Variants in C1orf167 observed in about 807,000 individuals in gnomAD.
C1orf167 encodes the protein chromosome 1 open reading frame 167.
C1orf167 carries 153 observed loss-of-function variants against 176.5 expected under a neutral mutation model. The observed-to-expected ratio is 0.87, with a 90% CI of 0.76 to 0.99. C1orf167 has a LOEUF of 0.99. Ranked by LOEUF, C1orf167 falls within the 50% of genes least tolerant of loss-of-function variation. C1orf167 has a pLI of 0.00. For synonymous variants in C1orf167, 594 were observed against 752.7 expected, an observed-to-expected ratio of 0.79 and a Z score of 3.45; for missense variants, 1,490 against 1,817.7, an observed-to-expected ratio of 0.82 and a Z score of 3.28.
Position 11,779,754 on chromosome 1 carries a change from G to T in C1orf167, c.2652-48G>T, listed in dbSNP as rs994055048. 3 of 1,255,666 alleles carry T rather than the reference G, an allele frequency of 2.4e-6. No homozygotes were observed. In the South Asian group the frequency reaches 3.8e-5, roughly 16 times the overall value. 77.8% of individuals were successfully genotyped at this position (1,255,666 alleles called of 1,614,324 possible). ...GGAGGGTGGGGCAGGGCTGGCCTGG[G>T]ATTTGGGGGACAGTGGCCATCCTCA... On this transcript the variant is annotated intron_variant, in intron 12 of 20. Coordinates refer to ENST00000688073, the MANE Select transcript of C1orf167 (RefSeq NM_001010881.2).
intron 6 of C1orf167, among the ~76,000 whole-genome samples, chr1:11,771,067 ATATTTTTTTTTTT>A (rs1557726922): frequency 1.6e-5 from 1 of 64,312 alleles, no homozygotes; most frequent in African/African-American, 6.7e-5. Flanking sequence ...ATATATATAT[ATATTTTTTTTTTT>A]TTTTTTTTTT....
Position 11,788,658 on chromosome 1 carries a change from G to A in C1orf167, c.4085G>A (p.Gly1362Glu). ...CTGCCAACTGTCCCCAAAGCTCAGGGAGTGGCACCTGAGATGGGCCTGGCA... is the reference window on the plus strand; with the variant it reads ...CTGCCAACTGTCCCCAAAGCTCAGGAAGTGGCACCTGAGATGGGCCTGGCA... ...GRAAGADPAQGVAPEMGLADV... is the reference protein window; with the variant it reads ...GRAAGADPAQEVAPEMGLADV... Residue 1362 changes from glycine to glutamate, a missense_variant, in exon 20 of 21, where the codon GGA becomes GAA. By Grantham distance (98) the Gly-to-Glu change is moderately conservative. Coordinates refer to ENST00000688073, the MANE Select transcript of C1orf167 (RefSeq NM_001010881.2). The A allele has an allele frequency of 1.5e-6, 2 of 1,304,294 alleles. No homozygotes were observed. The highest frequency in any genetic ancestry group is 1.2e-5 in the South Asian group (1 of 81,032). The allele number at this position is 1,304,294 out of a possible 1,614,324, so 80.8% of individuals were successfully genotyped here. A position where few individuals can be genotyped will look rare whatever the true frequency, so the allele number is the denominator to read the frequency against.
In C1orf167 at chr1:11,767,026, G is replaced by A. The variant is rs1642832034; in HGVS notation, c.1240G>A (p.Glu414Lys). Residue 414 changes from glutamate to lysine, a missense_variant, in exon 3 of 21, where the codon GAG becomes AAG. Coordinates refer to ENST00000688073, the MANE Select transcript of C1orf167 (RefSeq NM_001010881.2). ...EGAPRERVHREEERTAFHLSD... is the reference protein window; with the variant it reads ...EGAPRERVHRKEERTAFHLSD... ...GGCCCCGAGGGAGCGGGTCCACAGG[G>A]AGGAGGAGAGGACAGCTTTCCATCT... 6 of 1,219,756 alleles carry A rather than the reference G, an allele frequency of 4.9e-6. No individual in the cohort carries two copies. The South Asian group carries it at 7.3e-5, about 15-fold the overall frequency. 75.6% of individuals were successfully genotyped at this position (1,219,756 alleles called of 1,614,324 possible). A position where few individuals can be genotyped will look rare whatever the true frequency, so the allele number is the denominator to read the frequency against.
In C1orf167 at chr1:11,781,938, T is replaced by G. The variant is rs114936308; in HGVS notation, c.2861-251T>G. 4.5e-3 allele frequency among the ~76,000 whole-genome samples: 691 copies of G among 152,136 alleles called. 9 individuals carry two copies. The highest frequency in any genetic ancestry group is 0.016 in the African/African-American group (666 of 41,512). On this transcript the variant is annotated intron_variant, in intron 13 of 20. Transcript: ENST00000688073. ...AAAAAAAAAAAATAGAAAATTAGATTTTTACCTGAATTCTCCAGATTTGAA... is the reference window on the plus strand; with the variant it reads ...AAAAAAAAAAAATAGAAAATTAGATGTTTACCTGAATTCTCCAGATTTGAA...
chr1:11,770,972 TTGTGTGTG>T (rs753081071), intron 6 of C1orf167, among the ~76,000 whole-genome samples: 12,367 of 78,134 alleles, frequency 0.16, 849 homozygotes, highest in East Asian at 0.25. Flanking sequence ...ACTGGCTAAT[TTGTGTGTG>T]TGTGTGTGTG....
At chr1:11,783,473 C>G (rs946964387) in intron 14 of C1orf167, among the ~76,000 whole-genome samples, 1 of 151,942 alleles carries the variant, frequency 6.6e-6, no homozygotes, top group Non-Finnish European at 1.5e-5. Context: ...TCTCGAACTC[C>G]CGACCTCAGG....
At chr1:11,776,422 T>C in intron 9 of C1orf167, 42 bp from the exon 10 acceptor site, 1 of 1,280,786 alleles carries the variant, frequency 7.8e-7, no homozygotes, top group Non-Finnish European at 1.0e-6. Flanking sequence ...CAGAGTGAGG[T>C]CAGTGGGGAG....
chr1:11,763,784 C>T (rs1348581759), intron 1 of C1orf167, among the ~76,000 whole-genome samples: 2 of 152,132 alleles, frequency 1.3e-5, no homozygotes, highest in African/African-American at 4.8e-5. Context: ...TGGGAGGTGG[C>T]AGGTGAGGGC....
rs772832300 is a variant in C1orf167, at chr1:11,766,777, T to C, written c.991T>C (p.Leu331=). Residue 331 remains leucine (L), a synonymous_variant, in exon 3 of 21, where the codon TTG becomes CTG. Transcript: ENST00000688073. This position sits in a 1 kb window ranked among gnomAD's most constrained non-coding sequence, Gnocchi z 4.5. ...CAAGCTAATGTCACCTGAGACCACTTTGGGGACACGGACCAAGGATTCCCT... is the reference window on the plus strand; with the variant it reads ...CAAGCTAATGTCACCTGAGACCACTCTGGGGACACGGACCAAGGATTCCCT... ...QSKLMSPETT[L]GTRTKDSLNP... is the part of the protein sequence containing the mutation. 13 of 1,289,534 alleles carry C rather than the reference T, an allele frequency of 1.0e-5. No individual in the cohort carries two copies. Among genetic ancestry groups the C allele is most frequent in the South Asian group, 3.7e-5 (3 of 81,024 alleles). 79.9% of individuals were successfully genotyped at this position (1,289,534 alleles called of 1,614,324 possible). A position where few individuals can be genotyped will look rare whatever the true frequency, so the allele number is the denominator to read the frequency against.
At position 11,787,508 on chromosome 1, in the gene C1orf167, C is replaced by T. The variant is rs1439630169; in HGVS notation, c.3673+15C>T. 2 of 1,289,600 alleles carry T rather than the reference C, an allele frequency of 1.6e-6. No homozygotes were observed. The highest frequency in any genetic ancestry group is 2.5e-5 in the South Asian group (2 of 79,500). 79.9% of individuals were successfully genotyped at this position (1,289,600 alleles called of 1,614,324 possible). A position where few individuals can be genotyped will look rare whatever the true frequency, so the allele number is the denominator to read the frequency against. Reference sequence around the variant, plus strand: ...CTGGGCTCAGAGTAAGGAGACCTTGCCCCGGGGGACAAACGGTGTCTGAAG... The same window carrying T: ...CTGGGCTCAGAGTAAGGAGACCTTGTCCCGGGGGACAAACGGTGTCTGAAG... On this transcript the variant is annotated intron_variant, in intron 17 of 20. Transcript: ENST00000688073.
rs1186104281 is a variant in C1orf167, at chr1:11,768,253, T to A, written c.1520T>A (p.Leu507Gln). ...EAAWGQYTKV[L>Q]LVRSFREWRN... ...GCATGGGGGCAGTACACAAAGGTTC[T>A]GCTGGTCCGGAGCTTCCGAGAGGTC... Residue 507 changes from leucine to glutamine, a missense_variant, in exon 5 of 21, where the codon CTG becomes CAG. By Grantham distance (113) the Leu-to-Gln change is moderately radical. Transcript: ENST00000688073. This position sits in a 1 kb window ranked among gnomAD's most constrained non-coding sequence, Gnocchi z 4.5. The A allele has an allele frequency of 7.8e-7, 1 of 1,289,924 alleles. No individual in the cohort carries two copies. Among genetic ancestry groups the A allele is most frequent in the Non-Finnish European group, 1.0e-6 (1 of 988,816 alleles). The allele number at this position is 1,289,924 out of a possible 1,614,324, so 79.9% of individuals were successfully genotyped here.
At chr1:11,781,909 CAAA>C (rs140233984) in intron 13 of C1orf167, among the ~76,000 whole-genome samples, 3 of 124,602 alleles carry the variant, frequency 2.4e-5, no homozygotes, top group African/African-American at 3.1e-5. Context: ...GACTCCGTCT[CAAA>C]AAAAAAAAAA....
chr1:11,778,587 G>A (rs1643439275), intron 10 of C1orf167, 73 bp from the exon 11 acceptor site: 1 of 1,203,784 alleles, frequency 8.3e-7, no homozygotes, highest in South Asian at 1.4e-5. Context: ...CCAGGGTAGG[G>A]TAGCCCCTGC....
At chr1:11,779,177 G>T in intron 12 of C1orf167, 97 bp downstream of exon 12, 1 of 1,130,256 alleles carries the variant, frequency 8.8e-7, no homozygotes, top group Non-Finnish European at 1.1e-6. Context: ...GCAGCCCCTT[G>T]GGGTCTGCAC....
rs1420861758 is a variant in C1orf167 at position 11,788,238 on chromosome 1, A to T, written c.3938A>T (p.His1313Leu). 1 of 1,303,674 alleles carries T rather than the reference A, an allele frequency of 7.7e-7. No homozygotes were observed. Among genetic ancestry groups the T allele is most frequent in the African/African-American group, 1.5e-5 (1 of 65,858 alleles). The allele number at this position is 1,303,674 out of a possible 1,614,324, so 80.8% of individuals were successfully genotyped here. A position where few individuals can be genotyped will look rare whatever the true frequency, so the allele number is the denominator to read the frequency against. ...LALKGHDALGHQEEVPAAPVP... is the reference protein window; with the variant it reads ...LALKGHDALGLQEEVPAAPVP... ...CTGAAGGGTCACGATGCTCTTGGCC[A>T]TCAGGAGGAAGTACCTGCAGCGCCG... Residue 1313 changes from histidine to leucine, a missense_variant, in exon 19 of 21, where the codon CAT becomes CTT. Physicochemically the swap from His to Leu is moderately conservative, Grantham distance 99. Transcript: ENST00000688073.
At chr1:11,789,174 C>T (rs1157350113) in intron 20 of C1orf167, 96 bp from the exon 21 acceptor site, 1 of 1,171,194 alleles carries the variant, frequency 8.5e-7, no homozygotes, top group Non-Finnish European at 1.1e-6. Context: ...GCCCTGGGGA[C>T]AAAAGGAGCT....
intron 6 of C1orf167, among the ~76,000 whole-genome samples, chr1:11,769,542 T>G (rs1455805505): frequency 1.3e-5 from 2 of 151,828 alleles, no homozygotes; most frequent in Admixed American, 1.3e-4. Context: ...CACTCCAGCC[T>G]GGGCAACAGG....
chr1:11,781,964 A>T (rs1446107976), intron 13 of C1orf167, among the ~76,000 whole-genome samples: 2 of 152,188 alleles, frequency 1.3e-5, no homozygotes, highest in Non-Finnish European at 1.5e-5. Context: ...CAGATTTGAA[A>T]ATACTGTGGC....
In C1orf167 at chr1:11,788,043, C is replaced by G; in HGVS notation, c.3844C>G (p.Leu1282Val). 7.7e-7 allele frequency: 1 copy of G among 1,295,508 alleles called. No homozygotes were observed. The highest frequency in any genetic ancestry group is 1.0e-6 in the Non-Finnish European group (1 of 983,860). The allele number at this position is 1,295,508 out of a possible 1,614,324, so 80.3% of individuals were successfully genotyped here. Reference sequence around the variant, plus strand: ...CCAAAGCAAGGCCCATAAACGGAGGCTACGGTAAGAGGAGCTGTGTGTGCA... The same window carrying G: ...CCAAAGCAAGGCCCATAAACGGAGGGTACGGTAAGAGGAGCTGTGTGTGCA... The part of the protein sequence containing the change: ...KAQSKAHKRR[L>V]RARSCRILEK... The change falls in exon 18 of 21, where the codon CTA becomes GTA. Residue 1282 changes from leucine (L) to valine (V), a missense_variant. By Grantham distance (32) the Leu-to-Val change is conservative (BLOSUM62 1). Transcript: ENST00000688073.
Sources: gnomAD v4.1 joint callset for allele counts (sites outside exome capture counted in the v4.1 genomes callset) on GRCh38, gnomAD v4.1.1 for gene constraint, Gnocchi (gnomAD v3.1) non-coding constraint, MANE v1.5 for transcripts, NCBI Gene and HGNC (gene_info 2026-07-23, HGNC 2026-07-21) for gene names.